The following ARSG variants were observed in gnomAD, a reference collection of about 807,000 sequenced individuals.
ARSG encodes arylsulfatase G, also known as ASG.
In ARSG, 37 loss-of-function variants were observed where a neutral mutation model predicts 50.5. The ratio of observed to expected loss-of-function variants is 0.73; its 90% confidence interval spans 0.56 to 0.96. The LOEUF is 0.96. Among genes scored for constraint, ARSG ranks in the 50% least tolerant of loss-of-function variants. The pLI is 0.00. For synonymous variants in ARSG, 225 were observed against 254.6 expected (o/e 0.88, Z 1.11); for missense variants, 629 against 675.3 (o/e 0.93, Z 0.76).
rs1349899663 is a variant in ARSG at position 68,420,791 on chromosome 17, T to C, written c.*328T>C. The C allele has an allele frequency of 3.2e-6, 1 of 310,736 alleles. No individual in the cohort carries two copies. Among genetic ancestry groups the C allele is most frequent in the Non-Finnish European group, 6.0e-6 (1 of 167,332 alleles). The allele number at this position is 310,736 out of a possible 1,614,324, so 19.2% of individuals were successfully genotyped here. A position where few individuals can be genotyped will look rare whatever the true frequency, so the allele number is the denominator to read the frequency against. On this transcript the variant is annotated 3_prime_UTR_variant, in exon 12 of 12. Transcript: ENST00000621439. The stretch of plus-strand genomic sequence containing the variant: ...TGATTTTGAGGGTTAAATAAAGGCA[T>C]ACATGAAAATGCCTGGCAAATTACC...
chr17:68,285,904 C>T (rs1296186515), intron 1 of ARSG, among the ~76,000 whole-genome samples: 3 of 151,954 alleles, frequency 2.0e-5, no homozygotes, highest in Non-Finnish European at 4.4e-5. Flanking sequence ...GGATTACAGA[C>T]GCCCGCCACC....
chr17:68,293,251 C>T (rs1207314749), intron 1 of ARSG, among the ~76,000 whole-genome samples: 3 of 152,170 alleles, frequency 2.0e-5, no homozygotes, highest in Admixed American at 6.5e-5. Flanking sequence ...TTACTGTACT[C>T]TATATGGAAA....
the ARSG span, chr17:68,440,677 T>G: frequency 6.6e-6 from 1 of 152,206 alleles, no homozygotes; most frequent in Non-Finnish European, 1.5e-5. Context: ...CCACTGTAAT[T>G]GTTTGGCTGT....
chr17:68,356,843 C>T, intron 6 of ARSG, 39 bp downstream of exon 6: 1 of 1,612,472 alleles, frequency 6.2e-7, no homozygotes, highest in Non-Finnish European at 8.5e-7. Flanking sequence ...CTCCCCCTGC[C>T]TCCACCTACC....
intron 8 of ARSG, among the ~76,000 whole-genome samples, chr17:68,372,114 C>A (rs1282298617): frequency 1.3e-5 from 2 of 152,110 alleles, no homozygotes; most frequent in Non-Finnish European, 2.9e-5. Flanking sequence ...GTGGACCTGG[C>A]AAGTTTACCC....
the ARSG span, chr17:68,434,477 C>T: frequency 6.8e-7 from 1 of 1,472,776 alleles, no homozygotes; most frequent in Admixed American, 1.9e-5. Context: ...CACTCTCTGT[C>T]CTCTCCCTAG....
At chr17:68,339,045 C>T (rs916069681) in intron 2 of ARSG, among the ~76,000 whole-genome samples, 4 of 152,180 alleles carry the variant, frequency 2.6e-5, no homozygotes, top group Admixed American at 1.3e-4. Context: ...AAGGCCCCTG[C>T]CTAAGAGATT....
chr17:68,316,874 C>G (rs1173215346), intron 2 of ARSG, among the ~76,000 whole-genome samples: 4 of 152,094 alleles, frequency 2.6e-5, no homozygotes, highest in African/African-American at 9.7e-5. Context: ...GCACCTTGCT[C>G]TATCTATTCC....
intron 11 of ARSG, among the ~76,000 whole-genome samples, chr17:68,419,323 G>A (rs1262762218): frequency 1.3e-5 from 2 of 152,210 alleles, no homozygotes; most frequent in African/African-American, 4.8e-5. Flanking sequence ...CACTTTGGGA[G>A]GCCGAAGTGG....
upstream of ARSG, among the ~76,000 whole-genome samples, chr17:68,288,246 C>T (rs111993616): frequency 1.3e-5 from 2 of 152,008 alleles, no homozygotes; most frequent in Admixed American, 6.5e-5. Flanking sequence ...GTGATCCGCC[C>T]GCCTCAGCCT....
chr17:68,275,348 C>A (rs1038421440), intron 1 of ARSG, among the ~76,000 whole-genome samples: 2 of 152,086 alleles, frequency 1.3e-5, no homozygotes, highest in Non-Finnish European at 2.9e-5. Flanking sequence ...AAAAGGATTC[C>A]ATTTTTTTGG....
chr17:68,439,905 G>C, the ARSG span, among the ~76,000 whole-genome samples: 2 of 152,174 alleles, frequency 1.3e-5, no homozygotes, highest in Non-Finnish European at 2.9e-5. Flanking sequence ...CTTTGTGGCA[G>C]AGAGAGCTAA....
At chr17:68,394,959 C>A in intron 9 of ARSG, 114 bp from the exon 10 acceptor site, 2 of 1,469,300 alleles carry the variant, frequency 1.4e-6, no homozygotes, top group Admixed American at 3.9e-5. Flanking sequence ...TAAGCCAGCC[C>A]ATAGGAGAGG....
At chr17:68,281,686 C>T (rs188832526) in intron 1 of ARSG, among the ~76,000 whole-genome samples, 15 of 152,258 alleles carry the variant, frequency 9.9e-5, no homozygotes, top group East Asian at 7.7e-4. Flanking sequence ...CAAATCATTA[C>T]GGAAATCCAA....
At chr17:68,395,312 A>G in intron 10 of ARSG, 119 bp downstream of exon 10, 1 of 1,468,484 alleles carries the variant, frequency 6.8e-7, no homozygotes, top group East Asian at 2.4e-5. Context: ...TGCAGGTCGG[A>G]TACAGTGGCT....
intron 2 of ARSG, among the ~76,000 whole-genome samples, chr17:68,321,319 A>G (rs993263155): frequency 1.3e-5 from 2 of 152,212 alleles, no homozygotes; most frequent in Admixed American, 6.5e-5. Flanking sequence ...CATGATCTCA[A>G]TGATCTCACT....
At chr17:68,383,261 C>T (rs2080526975) in intron 8 of ARSG, among the ~76,000 whole-genome samples, 1 of 152,088 alleles carries the variant, frequency 6.6e-6, no homozygotes, top group South Asian at 2.1e-4. Flanking sequence ...TTAGACCAAT[C>T]CCTAATTGGT....
rs527376709 is a variant in ARSG at position 68,365,150 on chromosome 17, A to G, written c.705-3398A>G. ...CATGGCAAAACCTCATCTCTACTAA[A>G]AATACAAAAATTAGCCAGGTGTGGT... On this transcript the variant is annotated intron_variant, in intron 6 of 11. Coordinates refer to ENST00000621439, the MANE Select transcript of ARSG (RefSeq NM_001267727.2). Among the ~76,000 whole-genome samples, 20 of 152,262 alleles carry G rather than the reference A, an allele frequency of 1.3e-4. No individual in the cohort carries two copies. In the East Asian group the frequency reaches 3.5e-3, roughly 27 times the overall value.
intron 11 of ARSG, 50 bp downstream of exon 11, chr17:68,401,500 G>T (rs2147231799): frequency 6.5e-7 from 1 of 1,534,388 alleles, no homozygotes. Flanking sequence ...AGCTGCACGG[G>T]GACCCCATGG....
Sources: allele counts gnomAD v4.1 joint callset (sites outside exome capture counted in the v4.1 genomes callset), GRCh38; gene constraint gnomAD v4.1.1; transcripts MANE v1.5; gene names NCBI Gene and HGNC (gene_info 2026-07-23, HGNC 2026-07-21).